The following BAZ2B variants were observed in gnomAD, a reference collection of about 807,000 sequenced individuals.
BAZ2B encodes bromodomain adjacent to zinc finger domain 2B, also known as bromodomain adjacent to zinc finger domain protein 2B.
In BAZ2B, 91 loss-of-function variants were observed where a neutral mutation model predicts 246.0. The ratio of observed to expected loss-of-function variants is 0.37; its 90% CI spans 0.31 to 0.44. The LOEUF (loss-of-function observed/expected upper bound fraction) is 0.44, where lower values mean the gene tolerates loss of function less well. Ranked by LOEUF, BAZ2B falls within the 20% of genes least tolerant of loss-of-function variation. The pLI is 1.00. For missense variants in BAZ2B, 2,332 were observed against 2,533.7 expected (o/e 0.92, Z 1.71); for synonymous variants, 855 against 860.0 (o/e 0.99, Z 0.10).
intron 3 of BAZ2B, chr2:159,462,231 A>C (rs1239979809): frequency 1.9e-6 from 1 of 521,144 alleles, no homozygotes; most frequent in African/African-American, 1.9e-5. Context: ...CAAAAGAATC[A>C]GACAATGCTA....
chr2:159,420,368 C>G (rs1457259944), intron 13 of BAZ2B, among the ~76,000 whole-genome samples: 1 of 152,136 alleles, frequency 6.6e-6, no homozygotes, highest in Non-Finnish European at 1.5e-5. Flanking sequence ...ATGGCTTATG[C>G]ATTAAAAAGA....
chr2:159,534,707 A>G (rs1219211520), intron 2 of BAZ2B, among the ~76,000 whole-genome samples: 1 of 151,992 alleles, frequency 6.6e-6, no homozygotes, highest in Non-Finnish European at 1.5e-5. Context: ...CTCAGGTTCA[A>G]GCAATTCTTC....
the BAZ2B span, chr2:159,712,247 C>T: frequency 0.38 from 58,028 of 152,086 alleles, 13,270 homozygotes; most frequent in Middle Eastern, 0.6. Flanking sequence ...GGGCCTCCAG[C>T]GCCCGGCGCC....
At chr2:159,386,827 T>A (rs760691567) in intron 21 of BAZ2B, among the ~76,000 whole-genome samples, 10 of 152,106 alleles carry the variant, frequency 6.6e-5, no homozygotes, top group Non-Finnish European at 1.5e-4. Flanking sequence ...AAGCAACCAT[T>A]AATAAATTTT....
chr2:159,709,893 A>G, the BAZ2B span, among the ~76,000 whole-genome samples: 2 of 152,252 alleles, frequency 1.3e-5, no homozygotes, highest in Admixed American at 6.5e-5. Flanking sequence ...TTAATAGTCA[A>G]TAAGATGCTA....
At chr2:159,469,319 C>G (rs1205145620) in intron 3 of BAZ2B, among the ~76,000 whole-genome samples, 1 of 152,042 alleles carries the variant, frequency 6.6e-6, no homozygotes, top group African/African-American at 2.4e-5. Flanking sequence ...ACTTTGGGCC[C>G]ATACATTTAA....
In BAZ2B at chr2:159,374,076, C is replaced by CT. The variant is rs68072307; in HGVS notation, c.4068+614dup. Among the ~76,000 whole-genome samples the CT allele has an allele frequency of 4.6e-3, 575 of 125,170 alleles. 6 individuals are homozygous for CT. Among genetic ancestry groups the CT allele is most frequent in the African/African-American group, 0.014 (456 of 33,306 alleles). The allele number at this position is 125,170 out of a possible 152,430, so 82.1% of individuals were successfully genotyped here. A position where few individuals can be genotyped will look rare whatever the true frequency, so the allele number is the denominator to read the frequency against. Reference sequence around the variant, plus strand: ...ATTCAGTTTTTCTTAGTTTTTTTTTCTTTTTTTTTTTTTTTTAGAGACAGG... The same window carrying CT: ...ATTCAGTTTTTCTTAGTTTTTTTTTCTTTTTTTTTTTTTTTTTAGAGACAGG... On this transcript the variant is annotated intron_variant, in intron 26 of 36. Transcript: ENST00000392783.
chr2:159,417,163 G>GT lies in BAZ2B; in HGVS notation c.2467-4619dup, dbSNP rs748518181. ...CAAGATGGAGATAGCAAAAGATTAG[G>GT]TTTTTTTTTTTGTTTTTTTTTTTTT... On this transcript the variant is annotated intron_variant, in intron 13 of 36. Coordinates refer to ENST00000392783, the MANE Select transcript of BAZ2B (RefSeq NM_013450.4). 3.5e-3 allele frequency among the ~76,000 whole-genome samples: 495 copies of GT among 141,716 alleles called. 1 individual carries two copies. The highest frequency in any genetic ancestry group is 4.9e-3 in the Non-Finnish European group (317 of 64,752). The allele number at this position is 141,716 out of a possible 152,430, so 93.0% of individuals were successfully genotyped here.
intron 1 of BAZ2B, among the ~76,000 whole-genome samples, chr2:159,613,802 C>G (rs528605684): frequency 1.4e-4 from 22 of 152,212 alleles, no homozygotes; most frequent in African/African-American, 4.6e-4. Context: ...TTTCACCTAC[C>G]TACAATTCAC....
At chr2:159,470,733 A>G (rs1200577225) in intron 3 of BAZ2B, among the ~76,000 whole-genome samples, 4 of 152,214 alleles carry the variant, frequency 2.6e-5, no homozygotes, top group Non-Finnish European at 5.9e-5. Flanking sequence ...AGAGATCACT[A>G]TATTTATGGC....
rs549195676 is a variant in BAZ2B, at chr2:159,471,445, T to A, written c.145+7130A>T. On this transcript the variant is annotated intron_variant, in intron 3 of 36. Coordinates refer to ENST00000392783, the MANE Select transcript of BAZ2B (RefSeq NM_013450.4). Reference sequence around the variant, plus strand: ...AGTGAGTCTCTACAAAAAAAAATTTTAAAAATTAGCTGTGCTTGCCTGTAG... The same window carrying A: ...AGTGAGTCTCTACAAAAAAAAATTTAAAAAATTAGCTGTGCTTGCCTGTAG... Among the ~76,000 whole-genome samples, 12 of 152,122 alleles carry A rather than the reference T, an allele frequency of 7.9e-5. No individual in the cohort carries two copies. The South Asian group carries it at 1.5e-3, about 18-fold the overall frequency.
chr2:159,449,621 C>T lies in BAZ2B; in HGVS notation c.335-1212G>A, dbSNP rs139270139. 1.5e-3 allele frequency among the ~76,000 whole-genome samples: 228 copies of T among 152,248 alleles called. 1 individual carries two copies. Among genetic ancestry groups the T allele is most frequent in the African/African-American group, 5.2e-3 (215 of 41,566 alleles). On this transcript the variant is annotated intron_variant, in intron 4 of 36. Coordinates refer to ENST00000392783, the MANE Select transcript of BAZ2B (RefSeq NM_013450.4). ...TCTAAAAAACAGTATAAGTAGAAAA[C>T]TGCAAAAGCTATTCTTCTGCACTGC...
At chr2:159,409,023 C>T (rs1008059964) in intron 14 of BAZ2B, among the ~76,000 whole-genome samples, 1 of 151,598 alleles carries the variant, frequency 6.6e-6, no homozygotes, top group South Asian at 2.1e-4. Flanking sequence ...AAATAAATTA[C>T]TTCCAGTATC....
At chr2:159,596,202 A>G (rs1388086344) in intron 1 of BAZ2B, among the ~76,000 whole-genome samples, 1 of 152,176 alleles carries the variant, frequency 6.6e-6, no homozygotes, top group Non-Finnish European at 1.5e-5. Flanking sequence ...GAAGACTCCA[A>G]AAGAGTTTTC....
At chr2:159,592,561 GTCTC>G (rs1559857150) in intron 1 of BAZ2B, among the ~76,000 whole-genome samples, 1 of 152,126 alleles carries the variant, frequency 6.6e-6, no homozygotes, top group Non-Finnish European at 1.5e-5. Flanking sequence ...AAGAGACTCT[GTCTC>G]TCTCTCAACT....
At chr2:159,648,625 T>G in the BAZ2B span, among the ~76,000 whole-genome samples, 1 of 152,240 alleles carries the variant, frequency 6.6e-6, no homozygotes, top group Non-Finnish European at 1.5e-5. Context: ...ATTTTCAGAT[T>G]CACTCATTGT....
chr2:159,375,888 A>AG, intron 25 of BAZ2B, among the ~76,000 whole-genome samples: 1 of 152,316 alleles, frequency 6.6e-6, no homozygotes, highest in Non-Finnish European at 1.5e-5. Flanking sequence ...TTTGAAGGGA[A>AG]GAAGATTAGT....
chr2:159,505,143 A>G (rs2082200842), intron 2 of BAZ2B, among the ~76,000 whole-genome samples: 1 of 152,240 alleles, frequency 6.6e-6, no homozygotes, highest in South Asian at 2.1e-4. Context: ...CTTGACCAAT[A>G]AAAATCTTAA....
Position 159,438,295 on chromosome 2 carries a change from T to C in BAZ2B, c.1293+8A>G, listed in dbSNP as rs1370979002. The C allele has an allele frequency of 6.2e-7, 1 of 1,604,434 alleles. No individual in the cohort carries two copies. The highest frequency in any genetic ancestry group is 8.5e-7 in the Non-Finnish European group (1 of 1,176,360). On this transcript the variant is annotated splice_region_variant and intron_variant, in intron 8 of 36. Coordinates refer to ENST00000392783, the MANE Select transcript of BAZ2B (RefSeq NM_013450.4). Reference sequence around the variant, plus strand: ...GTAAAATTCTTGTATAAATAATTTGTAACTCACCCGTTTGGATCTCAATTC... The same window carrying C: ...GTAAAATTCTTGTATAAATAATTTGCAACTCACCCGTTTGGATCTCAATTC...
Sources: allele counts gnomAD v4.1 joint callset (sites outside exome capture counted in the v4.1 genomes callset), GRCh38; gene constraint gnomAD v4.1.1; transcripts MANE v1.5; gene names NCBI Gene and HGNC (gene_info 2026-07-23, HGNC 2026-07-21).